CLSTN2: variants seen among roughly 807,000 people sequenced by gnomAD.
The protein encoded by CLSTN2 is calsyntenin-2.
A neutral mutation model predicts 101.2 loss-of-function variants in CLSTN2; 48 were observed. That is an observed-to-expected ratio of 0.47 (90% CI 0.38 to 0.60). The LOEUF (loss-of-function observed/expected upper bound fraction) is 0.60, where lower values mean the gene tolerates loss of function less well. Ranked by LOEUF, CLSTN2 falls within the 20% of genes least tolerant of loss-of-function variation. The pLI is 0.00. For synonymous variants in CLSTN2, 481 were observed against 463.6 expected, an observed-to-expected ratio of 1.04 and a Z score of -0.48; for missense variants, 1,160 against 1,238.2, an observed-to-expected ratio of 0.94 and a Z score of 0.95.
intron 7 of CLSTN2, among the ~76,000 whole-genome samples, chr3:140,465,957 G>A (rs571519227): frequency 2.0e-5 from 3 of 152,256 alleles, no homozygotes; most frequent in African/African-American, 4.8e-5. Context: ...TCCATGACAC[G>A]AAATTTTCTA....
intron 1 of CLSTN2, among the ~76,000 whole-genome samples, chr3:140,012,498 ACTGTTGTAGCAGCT>A (rs1168197185): frequency 6.6e-6 from 1 of 152,104 alleles, no homozygotes; most frequent in Non-Finnish European, 1.5e-5. Context: ...GGGAGTCAGG[ACTGTTGTAGCAGCT>A]CCAGATAATG....
chr3:140,181,458 GT>G (rs1292937742), intron 2 of CLSTN2, among the ~76,000 whole-genome samples: 2 of 152,142 alleles, frequency 1.3e-5, no homozygotes, highest in Non-Finnish European at 2.9e-5. Flanking sequence ...AAAGTTTTGA[GT>G]TTGTTCTAAG....
At chr3:140,472,339 C>T (rs1269408408) in intron 8 of CLSTN2, among the ~76,000 whole-genome samples, 1 of 152,156 alleles carries the variant, frequency 6.6e-6, no homozygotes, top group Non-Finnish European at 1.5e-5. Context: ...GTGAATACAT[C>T]CTTTATTCTT....
At chr3:140,563,234 A>G (rs752377931) in intron 15 of CLSTN2, 31 bp downstream of exon 15, 155 of 1,608,004 alleles carry the variant, frequency 9.6e-5, no homozygotes, top group Non-Finnish European at 1.3e-4. Context: ...GACCCTCAGG[A>G]CACAGGTCGT....
At chr3:140,362,564 A>G (rs985967711) in intron 2 of CLSTN2, among the ~76,000 whole-genome samples, 2 of 152,232 alleles carry the variant, frequency 1.3e-5, no homozygotes, top group African/African-American at 4.8e-5. Flanking sequence ...CAAATCATAT[A>G]TCTATTAAGG....
chr3:140,094,266 A>G (rs2008830846), intron 1 of CLSTN2, among the ~76,000 whole-genome samples: 1 of 152,184 alleles, frequency 6.6e-6, no homozygotes, highest in South Asian at 2.1e-4. Context: ...ATTTAAGGTC[A>G]AAGACTCAGG....
chr3:140,471,777 T>C (rs1933854685), intron 8 of CLSTN2, among the ~76,000 whole-genome samples: 1 of 152,228 alleles, frequency 6.6e-6, no homozygotes, highest in Non-Finnish European at 1.5e-5. Flanking sequence ...CTATAAACTA[T>C]ACAAGAATCT....
chr3:140,306,602 G>T lies in CLSTN2; in HGVS notation c.233-97027G>T, dbSNP rs2087115994. Among the ~76,000 whole-genome samples, 3 of 152,156 alleles carry T rather than the reference G, an allele frequency of 2.0e-5. No homozygotes were observed. The South Asian group carries it at 6.2e-4, about 32-fold the overall frequency. ...GAACAATGCCTGCCATCAAGTAGCT[G>T]CTTCACAGCCTTGCTCTTTGTCCTA... On this transcript the variant is annotated intron_variant, in intron 2 of 16. Transcript: ENST00000458420.
chr3:139,994,099 C>T (rs1936161257), intron 1 of CLSTN2, among the ~76,000 whole-genome samples: 1 of 152,202 alleles, frequency 6.6e-6, no homozygotes. Context: ...GATAGTTCTG[C>T]TCTTCACATG....
intron 1 of CLSTN2, among the ~76,000 whole-genome samples, chr3:140,043,701 A>G (rs2007808280): frequency 6.6e-6 from 1 of 152,200 alleles, no homozygotes; most frequent in Non-Finnish European, 1.5e-5. Context: ...TAATTTTTAT[A>G]TAAGGTGTAA....
At chr3:140,131,533 G>A (rs1457696030) in intron 1 of CLSTN2, among the ~76,000 whole-genome samples, 1 of 152,148 alleles carries the variant, frequency 6.6e-6, no homozygotes, top group Non-Finnish European at 1.5e-5. Flanking sequence ...CAAGTTCGTA[G>A]TTCACATTTA....
intron 1 of CLSTN2, among the ~76,000 whole-genome samples, chr3:140,116,059 C>A (rs1036017745): frequency 2.0e-5 from 3 of 152,112 alleles, no homozygotes; most frequent in African/African-American, 7.2e-5. Context: ...GGGGAGGGGC[C>A]GTTTTTGACC....
intron 2 of CLSTN2, among the ~76,000 whole-genome samples, chr3:140,322,882 A>G (rs1285546415): frequency 6.6e-6 from 1 of 152,226 alleles, no homozygotes; most frequent in Non-Finnish European, 1.5e-5. Flanking sequence ...TCTCACCCCC[A>G]GAAAATCATG....
intron 2 of CLSTN2, among the ~76,000 whole-genome samples, chr3:140,373,976 C>T (rs1451422750): frequency 6.6e-6 from 1 of 152,240 alleles, no homozygotes; most frequent in East Asian, 1.9e-4. Flanking sequence ...ATCTTCTCTG[C>T]AGGCTCCAGT....
chr3:139,956,108 A>G (rs1281868665), intron 1 of CLSTN2, among the ~76,000 whole-genome samples: 2 of 151,972 alleles, frequency 1.3e-5, no homozygotes, highest in Non-Finnish European at 2.9e-5. Context: ...TGACTTCCCT[A>G]TTTTCCAGTT....
At chr3:140,092,464 T>A (rs1045852856) in intron 1 of CLSTN2, among the ~76,000 whole-genome samples, 1 of 151,874 alleles carries the variant, frequency 6.6e-6, no homozygotes, top group Non-Finnish European at 1.5e-5. Context: ...TAGAGTGGGG[T>A]GTGTTTATTT....
intron 6 of CLSTN2, 24 bp downstream of exon 6, chr3:140,448,728 T>A: frequency 6.3e-7 from 1 of 1,586,196 alleles, no homozygotes; most frequent in East Asian, 2.2e-5. Flanking sequence ...TTTTGGGATT[T>A]TAAAAATCAA....
At chr3:140,123,340 C>T (rs1242478336) in intron 1 of CLSTN2, among the ~76,000 whole-genome samples, 1 of 151,978 alleles carries the variant, frequency 6.6e-6, no homozygotes, top group Admixed American at 6.6e-5. Context: ...AACACTGTTG[C>T]ATTTGAGATT....
chr3:140,503,581 C>T (rs764504929), intron 8 of CLSTN2, among the ~76,000 whole-genome samples: 2 of 151,760 alleles, frequency 1.3e-5, no homozygotes, highest in South Asian at 2.1e-4. Flanking sequence ...TGTTGCTAAG[C>T]GATGCATGAC....
Sources: gnomAD v4.1 joint callset for allele counts (sites outside exome capture counted in the v4.1 genomes callset) on GRCh38, gnomAD v4.1.1 for gene constraint, MANE v1.5 for transcripts, NCBI Gene and HGNC (gene_info 2026-07-23, HGNC 2026-07-21) for gene names.